CA5A: variants seen among roughly 807,000 people sequenced by gnomAD.
The protein encoded by CA5A is carbonic anhydrase 5A, also known as carbonic anhydrase 5A, mitochondrial.
A neutral mutation model predicts 37.1 loss-of-function variants in CA5A; 28 were observed. That is an observed-to-expected ratio of 0.75 (90% confidence interval 0.56 to 1.03). CA5A has a LOEUF of 1.03. CA5A is among the 50% of genes least tolerant of loss of function. The pLI, the probability that CA5A is intolerant of heterozygous loss-of-function variation, is 0.00. For synonymous variants in CA5A, 171 were observed against 158.4 expected (o/e 1.08, Z -0.60); for missense variants, 444 against 399.9 (o/e 1.11, Z -0.94).
intron 1 of CA5A, among the ~76,000 whole-genome samples, chr16:87,929,475 T>C (rs917275808): frequency 4.8e-5 from 7 of 145,108 alleles, no homozygotes; most frequent in Non-Finnish European, 7.6e-5. Flanking sequence ...AAAAAAGATA[T>C]ATAGTCCTGT....
At position 87,933,588 on chromosome 16, in the gene CA5A, G is replaced by A. The variant is rs185080375; in HGVS notation, c.142+2721C>T. 1.8e-3 allele frequency among the ~76,000 whole-genome samples: 270 copies of A among 149,602 alleles called. 3 individuals carry two copies. The highest frequency in any genetic ancestry group is 6.3e-3 in the African/African-American group (255 of 40,628). On this transcript the variant is annotated intron_variant, in intron 1 of 6. Coordinates refer to ENST00000649794, the MANE Select transcript of CA5A (RefSeq NM_001739.2). ...TTTAGAGATGGGTTCTTGCTATGTT[G>A]CCCAGGCTGATCTTGAACTCCTGTG...
At chr16:87,933,395 TAGAC>T (rs1292153238) in intron 1 of CA5A, among the ~76,000 whole-genome samples, 2 of 152,160 alleles carry the variant, frequency 1.3e-5, no homozygotes, top group African/African-American at 2.4e-5. Flanking sequence ...TATTTTTTCT[TAGAC>T]AGGGTCCTGC....
chr16:87,919,208 C>T (rs768544498), intron 2 of CA5A, among the ~76,000 whole-genome samples: 21 of 152,168 alleles, frequency 1.4e-4, no homozygotes, highest in Non-Finnish European at 2.4e-4. Flanking sequence ...TGAGAGCAAC[C>T]GAGTCAGGGA....
rs12930284 is a variant in CA5A at position 87,911,850 on chromosome 16, A to G, written c.341-6946T>C. Among the ~76,000 whole-genome samples, 25,128 of 152,168 alleles carry G rather than the reference A, an allele frequency of 0.17. 2,169 individuals carry two copies. Among genetic ancestry groups the G allele is most frequent in the South Asian group, 0.23 (1,126 of 4,822 alleles). Reference sequence around the variant, plus strand: ...GGTCTGTGGCCCAGACTAGACGTTTATAAAAGGATAATGATGCCTACTTCA... The same window carrying G: ...GGTCTGTGGCCCAGACTAGACGTTTGTAAAAGGATAATGATGCCTACTTCA... On this transcript the variant is annotated intron_variant, in intron 2 of 6. Transcript: ENST00000649794. This position sits in a 1 kb window ranked among gnomAD's most constrained non-coding sequence, Gnocchi z 4.6.
chr16:87,924,872 TGTG>T (rs1193105712), intron 2 of CA5A, among the ~76,000 whole-genome samples: 6 of 152,324 alleles, frequency 3.9e-5, no homozygotes, highest in African/African-American at 1.2e-4. Context: ...TCTGGGCAGA[TGTG>T]GTGCTGAGTG....
intron 5 of CA5A, among the ~76,000 whole-genome samples, chr16:87,897,190 G>A (rs2055815586): frequency 1.3e-5 from 2 of 152,368 alleles, no homozygotes; most frequent in Middle Eastern, 3.4e-3. Context: ...TGGATCCCCT[G>A]GACCTGGTGG....
intron 2 of CA5A, among the ~76,000 whole-genome samples, chr16:87,910,759 T>C (rs2056038751): frequency 6.6e-6 from 1 of 151,896 alleles, no homozygotes; most frequent in South Asian, 2.1e-4. Context: ...TGTTTTTGTT[T>C]TTGTTTCTTT....
At chr16:87,926,467 G>A (rs1056273391) in intron 2 of CA5A, among the ~76,000 whole-genome samples, 3 of 152,320 alleles carry the variant, frequency 2.0e-5, no homozygotes, top group East Asian at 1.9e-4. Context: ...GCTGCAAGGC[G>A]AGCCCCACGG....
intron 2 of CA5A, among the ~76,000 whole-genome samples, chr16:87,913,819 G>T (rs144201699): frequency 6.6e-6 from 1 of 152,302 alleles, no homozygotes; most frequent in Non-Finnish European, 1.5e-5. Context: ...TTGCAGGCTC[G>T]CTGAGTAGAC....
chr16:87,918,408 A>G (rs1212088663), intron 2 of CA5A, among the ~76,000 whole-genome samples: 1 of 75,724 alleles, frequency 1.3e-5, no homozygotes, highest in African/African-American at 5.4e-5. Flanking sequence ...TTGCTCCCCC[A>G]GCCTTTCCTC....
chr16:87,914,772 C>T (rs572811805), intron 2 of CA5A, among the ~76,000 whole-genome samples: 2 of 152,234 alleles, frequency 1.3e-5, no homozygotes, highest in Non-Finnish European at 2.9e-5. Flanking sequence ...GGCGGCTGGG[C>T]TTGGGAGGGG....
At chr16:87,899,661 G>T (rs1272282502) in intron 5 of CA5A, among the ~76,000 whole-genome samples, 1 of 149,362 alleles carries the variant, frequency 6.7e-6, no homozygotes, top group African/African-American at 2.5e-5. Context: ...GGTTCACGCC[G>T]GTAATCCCAG....
At chr16:87,903,789 G>A (rs529879056) in intron 3 of CA5A, among the ~76,000 whole-genome samples, 1 of 152,190 alleles carries the variant, frequency 6.6e-6, no homozygotes, top group South Asian at 2.1e-4. Context: ...AGTTAGGTGA[G>A]TGGGTGAGCA....
intron 3 of CA5A, among the ~76,000 whole-genome samples, 200 bp from the exon 4 acceptor site, chr16:87,902,720 C>T (rs1363897710): frequency 6.7e-6 from 1 of 149,890 alleles, no homozygotes; most frequent in Non-Finnish European, 1.5e-5. Flanking sequence ...TGCTGGCTAA[C>T]ATGCTGAAAT....
chr16:87,897,116 A>G (rs112515806), intron 5 of CA5A, among the ~76,000 whole-genome samples: 14,923 of 152,286 alleles, frequency 0.098, 984 homozygotes, highest in African/African-American at 0.19. Context: ...CGTGGGGCTC[A>G]GTAGGTGCTG....
chr16:87,910,428 C>T (rs941933280), intron 2 of CA5A, among the ~76,000 whole-genome samples: 3 of 152,172 alleles, frequency 2.0e-5, no homozygotes, highest in Non-Finnish European at 4.4e-5. Context: ...GGTTCGGTCA[C>T]CTGCCCCAGT....
chr16:87,890,272 G>C (rs1242094018), intron 6 of CA5A, among the ~76,000 whole-genome samples: 2 of 152,034 alleles, frequency 1.3e-5, no homozygotes, highest in African/African-American at 2.4e-5. Flanking sequence ...ACCCTCTCTT[G>C]GTGGCACAGA....
intron 2 of CA5A, among the ~76,000 whole-genome samples, chr16:87,909,174 C>A (rs2056010770): frequency 6.6e-6 from 1 of 152,058 alleles, no homozygotes; most frequent in Non-Finnish European, 1.5e-5. Context: ...TGGGCCGGAT[C>A]CCCCGCCTCT....
intron 2 of CA5A, among the ~76,000 whole-genome samples, chr16:87,918,019 A>T (rs2056178488): frequency 6.6e-6 from 1 of 152,192 alleles, no homozygotes; most frequent in Non-Finnish European, 1.5e-5. Flanking sequence ...CCCTCCAAGG[A>T]ATTCACTCTT....
Sources: gnomAD v4.1 joint callset for allele counts (sites outside exome capture counted in the v4.1 genomes callset) on GRCh38, gnomAD v4.1.1 for gene constraint, Gnocchi (gnomAD v3.1) non-coding constraint, MANE v1.5 for transcripts, NCBI Gene and HGNC (gene_info 2026-07-23, HGNC 2026-07-21) for gene names.